The following GLRA2 variants were observed in gnomAD, a reference collection of about 807,000 sequenced individuals.
The protein encoded by GLRA2 is glycine receptor subunit alpha-2.
GLRA2 carries 11 observed loss-of-function variants against 31.6 expected under a neutral mutation model. The observed-to-expected ratio is 0.35, with a 90% CI of 0.22 to 0.58. GLRA2 has a LOEUF of 0.58. Ranked by LOEUF, GLRA2 falls within the 20% of genes least tolerant of loss-of-function variation. The pLI is 0.84. For missense variants in GLRA2, 212 were observed against 351.8 expected (o/e 0.60, Z 3.18); for synonymous variants, 132 against 134.0 (o/e 0.99, Z 0.10).
intron 7 of GLRA2, among the ~76,000 whole-genome samples, chrX:14,633,648 T>C (rs1372852988): frequency 1.8e-5 from 2 of 111,712 alleles, no homozygotes; most frequent in Non-Finnish European, 3.8e-5. Context: ...GACTGGGTAA[T>C]TTATAAAGCA....
chrX:14,717,684 C>T (rs978505711), intron 8 of GLRA2, among the ~76,000 whole-genome samples: 38 of 97,814 alleles, frequency 3.9e-4, no homozygotes, highest in Non-Finnish European at 5.7e-4. Context: ...ATATGGAGTA[C>T]ATCATGAATT....
chrX:14,526,709 A>G (rs549488566), upstream of GLRA2, among the ~76,000 whole-genome samples: 46 of 112,266 alleles, frequency 4.1e-4, no homozygotes, highest in South Asian at 0.017. Flanking sequence ...TGACATGAAG[A>G]GTTTAAGCAG....
chrX:14,610,328 G>A (rs1569509092), intron 7 of GLRA2, among the ~76,000 whole-genome samples: 1 of 111,475 alleles, frequency 9.0e-6, no homozygotes, highest in African/African-American at 3.3e-5. Context: ...TAATAGAGGT[G>A]GGCTGAATAC....
intron 4 of GLRA2, among the ~76,000 whole-genome samples, chrX:14,596,108 A>C (rs1176411699): frequency 9.0e-6 from 1 of 110,904 alleles, no homozygotes; most frequent in Non-Finnish European, 1.9e-5. Flanking sequence ...GAGATTTCCT[A>C]AAATTTTTGT....
chrX:14,601,001 GTTTT>G (rs746340611), intron 4 of GLRA2, among the ~76,000 whole-genome samples: 1 of 60,477 alleles, frequency 1.7e-5, no homozygotes, highest in African/African-American at 6.6e-5. Flanking sequence ...CTTTGTTGTT[GTTTT>G]TTTTTTTGTT....
chrX:14,453,662 C>G, the GLRA2 span, among the ~76,000 whole-genome samples: 1 of 111,748 alleles, frequency 8.9e-6, no homozygotes, highest in Admixed American at 9.5e-5. Context: ...ATTGCCATAT[C>G]ACACAGCAGT....
chrX:14,576,596 C>T, intron 3 of GLRA2, among the ~76,000 whole-genome samples: 1 of 111,891 alleles, frequency 8.9e-6, no homozygotes, highest in Non-Finnish European at 1.9e-5. Context: ...ATCGTATTCT[C>T]AATCAAAAAT....
intron 2 of GLRA2, among the ~76,000 whole-genome samples, chrX:14,534,665 T>C (rs575789930): frequency 9.0e-6 from 1 of 110,692 alleles, no homozygotes; most frequent in South Asian, 3.8e-4. Context: ...ATATTGGTAG[T>C]GTAGGGAAAA....
intron 4 of GLRA2, among the ~76,000 whole-genome samples, chrX:14,589,078 T>C (rs2090112588): frequency 9.0e-6 from 1 of 111,479 alleles, no homozygotes; most frequent in Non-Finnish European, 1.9e-5. Flanking sequence ...TTCTTTCTCT[T>C]GCCTGATTGC....
the GLRA2 span, among the ~76,000 whole-genome samples, chrX:14,464,149 T>C: frequency 2.9e-3 from 332 of 112,664 alleles, 1 homozygote; most frequent in African/African-American, 0.01. Context: ...CCTTTCACTC[T>C]GATGATTGTT....
At chrX:14,506,447 C>T in the GLRA2 span, among the ~76,000 whole-genome samples, 2 of 111,502 alleles carry the variant, frequency 1.8e-5, no homozygotes, top group Non-Finnish European at 3.8e-5. Flanking sequence ...GCCATGTTGG[C>T]TTCCAATGTG....
chrX:14,691,812 T>C (rs2091366090), intron 8 of GLRA2, among the ~76,000 whole-genome samples: 1 of 112,047 alleles, frequency 8.9e-6, no homozygotes, highest in South Asian at 3.7e-4. Flanking sequence ...ATATGAAGAA[T>C]GTTACCTCCT....
At chrX:14,644,240 T>C (rs2090805544) in intron 7 of GLRA2, among the ~76,000 whole-genome samples, 1 of 111,749 alleles carries the variant, frequency 8.9e-6, no homozygotes, top group Admixed American at 9.5e-5. Flanking sequence ...GATTTCCCCA[T>C]AATAGTGCCC....
At chrX:14,506,066 A>G in the GLRA2 span, among the ~76,000 whole-genome samples, 1 of 111,479 alleles carries the variant, frequency 9.0e-6, no homozygotes, top group Non-Finnish European at 1.9e-5. Context: ...ATCAGAATAC[A>G]GTCAGGCAAC....
At chrX:14,560,718 G>A (rs1220641091) in intron 2 of GLRA2, among the ~76,000 whole-genome samples, 3 of 102,246 alleles carry the variant, frequency 2.9e-5, no homozygotes, top group Non-Finnish European at 5.9e-5. Flanking sequence ...TTGGGAGCCT[G>A]AGGTAAAAGA....
chrX:14,608,749 C>T (rs2090365285), intron 6 of GLRA2, among the ~76,000 whole-genome samples: 2 of 110,672 alleles, frequency 1.8e-5, no homozygotes, highest in African/African-American at 6.6e-5. Flanking sequence ...TGGTTTTGGT[C>T]CAGTGACTCT....
At chrX:14,645,062 G>T (rs1046168209) in intron 7 of GLRA2, among the ~76,000 whole-genome samples, 1 of 111,694 alleles carries the variant, frequency 9.0e-6, no homozygotes, top group African/African-American at 3.3e-5. Flanking sequence ...ATTGTGGCCT[G>T]CACAACTTTA....
At chrX:14,690,982 C>T (rs1271646107) in intron 8 of GLRA2, 123 bp downstream of exon 8, 3 of 697,078 alleles carry the variant, frequency 4.3e-6, no homozygotes, top group Non-Finnish European at 6.4e-6. Context: ...TCTGATTTGT[C>T]CTACTACACT....
chrX:14,452,644 T>C, the GLRA2 span, among the ~76,000 whole-genome samples: 3 of 112,186 alleles, frequency 2.7e-5, no homozygotes, highest in East Asian at 5.6e-4. Context: ...ACAGAAGAGA[T>C]AGTACTTGAT....
Sources: allele counts gnomAD v4.1 joint callset (sites outside exome capture counted in the v4.1 genomes callset), GRCh38; gene constraint gnomAD v4.1.1; transcripts MANE v1.5; gene names NCBI Gene and HGNC (gene_info 2026-07-23, HGNC 2026-07-21).